PDE1C: variants seen among roughly 807,000 people sequenced by gnomAD.
PDE1C encodes the protein dual specificity calcium/calmodulin-dependent 3',5'-cyclic nucleotide phosphodiesterase 1C.
PDE1C carries 62 observed loss-of-function variants against 93.1 expected under a neutral mutation model. The ratio of observed to expected loss-of-function variants is 0.67; its 90% CI spans 0.54 to 0.82. The LOEUF is 0.82. Ranked by LOEUF, PDE1C falls within the 40% of genes least tolerant of loss-of-function variation. The probability of loss-of-function intolerance (pLI) is 0.00; values close to 1 mark genes in which losing one functional copy is unlikely to be tolerated. For synonymous variants in PDE1C, 325 were observed against 310.1 expected, an observed-to-expected ratio of 1.05 and a Z score of -0.50; for missense variants, 742 against 884.6, an observed-to-expected ratio of 0.84 and a Z score of 2.04.
chr7:32,062,875 T>G (rs1209654231), intron 1 of PDE1C, among the ~76,000 whole-genome samples: 1 of 152,156 alleles, frequency 6.6e-6, no homozygotes, highest in African/African-American at 2.4e-5. Flanking sequence ...TTCCTTCAAC[T>G]ATATGAACAA....
At chr7:31,623,220 T>C in the PDE1C span, among the ~76,000 whole-genome samples, 3 of 151,970 alleles carry the variant, frequency 2.0e-5, no homozygotes, top group African/African-American at 4.8e-5. Context: ...TTCCAATCAA[T>C]AGAAAAAGAG....
chr7:31,976,768 A>G (rs530735527), intron 2 of PDE1C, among the ~76,000 whole-genome samples: 2 of 152,198 alleles, frequency 1.3e-5, no homozygotes, highest in South Asian at 4.1e-4. Flanking sequence ...CCAAATCAAC[A>G]TGTTTCAAAG....
intron 2 of PDE1C, among the ~76,000 whole-genome samples, chr7:32,044,395 G>A (rs1177661452): frequency 1.3e-5 from 2 of 152,158 alleles, no homozygotes; most frequent in Non-Finnish European, 2.9e-5. Flanking sequence ...CAAAGTTTAG[G>A]TGGAAGCAAG....
At chr7:32,101,902 G>A (rs2128750586) in intron 3 of PDE1C, among the ~76,000 whole-genome samples, 1 of 152,274 alleles carries the variant, frequency 6.6e-6, no homozygotes, top group South Asian at 2.1e-4. Context: ...AGGTGAAGGA[G>A]GAGCCAGTGT....
chr7:32,078,855 G>T (rs1413902029), intron 3 of PDE1C, among the ~76,000 whole-genome samples: 1 of 151,672 alleles, frequency 6.6e-6, no homozygotes, highest in Non-Finnish European at 1.5e-5. Context: ...TGAGCCCAGG[G>T]GTCAAGGCTG....
At chr7:32,400,593 G>T (rs1411356522) in intron 1 of PDE1C, among the ~76,000 whole-genome samples, 3 of 152,186 alleles carry the variant, frequency 2.0e-5, no homozygotes, top group Non-Finnish European at 4.4e-5. Context: ...GCCATGGAAA[G>T]TTTTCTTTTC....
the PDE1C span, among the ~76,000 whole-genome samples, chr7:31,711,994 G>C: frequency 6.6e-6 from 1 of 151,976 alleles, no homozygotes; most frequent in African/African-American, 2.4e-5. Flanking sequence ...GTGAAGATCT[G>C]CTCGTCCTCT....
At chr7:31,761,446 A>G (rs1466137066) in intron 17 of PDE1C, among the ~76,000 whole-genome samples, 1 of 152,238 alleles carries the variant, frequency 6.6e-6, no homozygotes, top group Non-Finnish European at 1.5e-5. Context: ...GCAATGGCTC[A>G]GGAAGTAACT....
At chr7:31,930,849 A>C (rs1354499743) in intron 2 of PDE1C, among the ~76,000 whole-genome samples, 81 of 34,126 alleles carry the variant, frequency 2.4e-3, no homozygotes, top group African/African-American at 5.8e-3. Flanking sequence ...ACTCTGTCTC[A>C]AAAAAAAAAA....
intron 2 of PDE1C, among the ~76,000 whole-genome samples, chr7:32,015,185 A>C (rs931010570): frequency 5.9e-5 from 9 of 152,102 alleles, no homozygotes; most frequent in Non-Finnish European, 1.2e-4. Flanking sequence ...CTGTCAGTCA[A>C]TTAAACCTCT....
chr7:31,618,020 A>G, the PDE1C span, among the ~76,000 whole-genome samples: 67,537 of 151,940 alleles, frequency 0.44, 15,258 homozygotes, highest in East Asian at 0.55. Flanking sequence ...GAGCGTTTCC[A>G]GTAGTTGTGG....
intron 2 of PDE1C, among the ~76,000 whole-genome samples, chr7:32,206,003 A>C (rs933215639): frequency 2.0e-5 from 3 of 152,136 alleles, no homozygotes; most frequent in Non-Finnish European, 4.4e-5. Flanking sequence ...CCAAGAACCC[A>C]CCAGAAGAAA....
chr7:32,338,982 G>A (rs949002656), intron 1 of PDE1C, among the ~76,000 whole-genome samples: 3 of 150,006 alleles, frequency 2.0e-5, no homozygotes, highest in East Asian at 2.0e-4. Context: ...CAGCCTGGGC[G>A]ACAGAGCTAG....
chr7:32,186,121 A>G (rs1803852709), intron 2 of PDE1C, among the ~76,000 whole-genome samples: 1 of 128,450 alleles, frequency 7.8e-6, no homozygotes. Flanking sequence ...TTTGAGACGG[A>G]GTCTCGCTCT....
At chr7:32,179,609 A>C (rs527537432) in intron 2 of PDE1C, among the ~76,000 whole-genome samples, 11 of 152,268 alleles carry the variant, frequency 7.2e-5, no homozygotes, top group African/African-American at 2.6e-4. Context: ...GCAGGGGAGG[A>C]TAAATAATGC....
intron 2 of PDE1C, among the ~76,000 whole-genome samples, chr7:31,973,791 A>G (rs963361004): frequency 6.6e-6 from 1 of 152,156 alleles, no homozygotes; most frequent in Non-Finnish European, 1.5e-5. Flanking sequence ...CGGGGTCTAC[A>G]TTCTTGACTA....
chr7:31,929,735 A>C (rs899660787), intron 2 of PDE1C, among the ~76,000 whole-genome samples: 1 of 152,222 alleles, frequency 6.6e-6, no homozygotes, highest in Non-Finnish European at 1.5e-5. Flanking sequence ...CTTTGAAACC[A>C]ATGAGAACCA....
At chr7:31,627,659 CAAAA>C in the PDE1C span, among the ~76,000 whole-genome samples, 1,456 of 75,554 alleles carry the variant, frequency 0.019, 14 homozygotes, top group African/African-American at 0.065. Context: ...GACACTGTCT[CAAAA>C]AAAAAAAAAA....
the PDE1C span, among the ~76,000 whole-genome samples, chr7:31,625,550 C>T: frequency 6.6e-6 from 1 of 151,988 alleles, no homozygotes. Context: ...CATATTCTCA[C>T]TCATAGGTGG....
Sources: gnomAD v4.1 joint callset for allele counts (sites outside exome capture counted in the v4.1 genomes callset) on GRCh38, gnomAD v4.1.1 for gene constraint, MANE v1.5 for transcripts, NCBI Gene and HGNC (gene_info 2026-07-23, HGNC 2026-07-21) for gene names.